The following GLIS1 variants were observed in gnomAD, a reference collection of about 807,000 sequenced individuals.
GLIS1 encodes zinc finger protein GLIS1.
A neutral mutation model predicts 63.8 loss-of-function variants in GLIS1; 24 were observed. The observed-to-expected ratio is 0.38, with a 90% CI of 0.27 to 0.53. The LOEUF is 0.53. Ranked by LOEUF, GLIS1 falls within the 20% of genes least tolerant of loss-of-function variation. The pLI, the probability that GLIS1 is intolerant of heterozygous loss-of-function variation, is 0.85. For missense variants in GLIS1, 1,036 were observed against 1,074.1 expected (o/e 0.96, Z 0.50); for synonymous variants, 450 against 482.5 (o/e 0.93, Z 0.88).
At chr1:53,578,570 G>A (rs1163875684) in intron 4 of GLIS1, among the ~76,000 whole-genome samples, 1 of 152,190 alleles carries the variant, frequency 6.6e-6, no homozygotes, top group Admixed American at 6.5e-5. Context: ...ACACAAGCTG[G>A]CTGGTCTGCT....
intron 2 of GLIS1, among the ~76,000 whole-genome samples, chr1:53,727,947 T>C (rs1017909858): frequency 6.6e-6 from 1 of 152,240 alleles, no homozygotes; most frequent in Non-Finnish European, 1.5e-5. Context: ...GAGCTTACCA[T>C]ATGTTCAACC....
At chr1:53,547,902 T>C (rs1051184234) in intron 4 of GLIS1, among the ~76,000 whole-genome samples, 4 of 152,232 alleles carry the variant, frequency 2.6e-5, no homozygotes, top group African/African-American at 9.6e-5. Flanking sequence ...GGTGGCTGTC[T>C]CTGTGAGGGG....
At chr1:53,701,693 T>C (rs1158430657) in intron 2 of GLIS1, among the ~76,000 whole-genome samples, 1 of 152,042 alleles carries the variant, frequency 6.6e-6, no homozygotes, top group Non-Finnish European at 1.5e-5. Context: ...TGCACTTTGT[T>C]TGAAAATGAA....
chr1:53,585,992 G>A (rs1207521105), intron 4 of GLIS1, among the ~76,000 whole-genome samples: 1 of 152,094 alleles, frequency 6.6e-6, no homozygotes, highest in African/African-American at 2.4e-5. Flanking sequence ...GAGCTGGGAT[G>A]AGTCTCCAAC....
rs550467214 is a variant in GLIS1 at position 53,597,334 on chromosome 1, T to C, written c.438-2344A>G. ...CTTGCAGTGAGCCGAGATGGCGCCATTGCACTCCAGCCTGGGCGACACAGC... is the reference window on the plus strand; with the variant it reads ...CTTGCAGTGAGCCGAGATGGCGCCACTGCACTCCAGCCTGGGCGACACAGC... On this transcript the variant is annotated intron_variant, in intron 3 of 10. Transcript: ENST00000628545. Among the ~76,000 whole-genome samples, 620 of 147,090 alleles carry C rather than the reference T, an allele frequency of 4.2e-3. 2 individuals carry two copies. Among genetic ancestry groups the C allele is most frequent in the Non-Finnish European group, 6.4e-3 (426 of 67,084 alleles).
At chr1:53,590,991 T>A (rs1645188375) in intron 4 of GLIS1, among the ~76,000 whole-genome samples, 1 of 152,038 alleles carries the variant, frequency 6.6e-6, no homozygotes. Context: ...TGGGATGGGA[T>A]GGGGGAGGCT....
At chr1:53,559,691 C>T (rs1030615342) in intron 4 of GLIS1, among the ~76,000 whole-genome samples, 6 of 152,194 alleles carry the variant, frequency 3.9e-5, no homozygotes, top group African/African-American at 1.4e-4. Flanking sequence ...CTCCCCCACA[C>T]GCCCTGCACC....
At chr1:53,713,181 T>C (rs1449046105) in intron 2 of GLIS1, among the ~76,000 whole-genome samples, 2 of 148,394 alleles carry the variant, frequency 1.3e-5, no homozygotes, top group Non-Finnish European at 3.0e-5. Flanking sequence ...CTGGGCAACA[T>C]GGTGAGACCT....
chr1:53,580,469 G>A (rs1042278566), intron 4 of GLIS1, among the ~76,000 whole-genome samples: 12 of 152,280 alleles, frequency 7.9e-5, no homozygotes, highest in Non-Finnish European at 1.8e-4. Context: ...AATCCATGAA[G>A]AGCCCAAATT....
intron 2 of GLIS1, among the ~76,000 whole-genome samples, chr1:53,693,338 C>T (rs937615900): frequency 6.6e-6 from 1 of 150,656 alleles, no homozygotes; most frequent in East Asian, 2.0e-4. Context: ...CCAATATGGC[C>T]AACTTAACCT....
chr1:53,536,166 G>T (rs1022687629), intron 4 of GLIS1, among the ~76,000 whole-genome samples: 1 of 152,014 alleles, frequency 6.6e-6, no homozygotes, highest in African/African-American at 2.4e-5. Context: ...CTTCTGTCGA[G>T]GGTGGATTTG....
intron 2 of GLIS1, among the ~76,000 whole-genome samples, chr1:53,701,552 T>C (rs1444054016): frequency 6.6e-6 from 1 of 152,120 alleles, no homozygotes; most frequent in Non-Finnish European, 1.5e-5. Context: ...AATTGAGGCA[T>C]AGGAAGAAAT....
At chr1:53,613,506 T>G (rs1378856887) in intron 2 of GLIS1, among the ~76,000 whole-genome samples, 1 of 152,194 alleles carries the variant, frequency 6.6e-6, no homozygotes, top group African/African-American at 2.4e-5. Context: ...TAAATTATTG[T>G]GAAGTTATTC....
intron 2 of GLIS1, among the ~76,000 whole-genome samples, chr1:53,706,559 C>A (rs1399199196): frequency 2.0e-5 from 3 of 152,220 alleles, no homozygotes; most frequent in African/African-American, 7.2e-5. Flanking sequence ...GGGGGTGACT[C>A]CACCTTCAAG....
intron 7 of GLIS1, 96 bp from the exon 8 acceptor site, chr1:53,514,877 AAAGAC>A: frequency 7.2e-7 from 1 of 1,387,332 alleles, no homozygotes; most frequent in Non-Finnish European, 9.7e-7. Flanking sequence ...ATGGAGAAAT[AAAGAC>A]AAGAGGGAAA....
intron 2 of GLIS1, among the ~76,000 whole-genome samples, chr1:53,621,961 C>G (rs1262789356): frequency 6.6e-6 from 1 of 152,104 alleles, no homozygotes; most frequent in Non-Finnish European, 1.5e-5. Context: ...CAGGCCCATG[C>G]CATCTGTATT....
chr1:53,515,347 T>A (rs1170220632), intron 7 of GLIS1, among the ~76,000 whole-genome samples: 1 of 151,752 alleles, frequency 6.6e-6, no homozygotes, highest in African/African-American at 2.4e-5. Context: ...CCCAGAGATA[T>A]GCAAGCAGAG....
rs1569979278 is a variant in GLIS1, at chr1:53,646,256, A to G, written c.260-45978T>C. ...CAGGGATGAAAGAAATAAAATATAT[A>G]AGAATTGAAAGGAATAAATAAAACT... On this transcript the variant is annotated intron_variant, in intron 2 of 10. Coordinates refer to ENST00000628545, the MANE Select transcript of GLIS1 (RefSeq NM_001367484.1). This position sits in a 1 kb window ranked among gnomAD's most constrained non-coding sequence, Gnocchi z 4.2. Among the ~76,000 whole-genome samples the G allele has an allele frequency of 6.6e-6, 1 of 152,226 alleles. No homozygotes were observed. The highest frequency in any genetic ancestry group is 1.9e-4 in the East Asian group (1 of 5,206).
chr1:53,507,110 C>G (rs1396575612), intron 10 of GLIS1, among the ~76,000 whole-genome samples: 1 of 152,108 alleles, frequency 6.6e-6, no homozygotes, highest in Non-Finnish European at 1.5e-5. Flanking sequence ...AGCAGCTCAG[C>G]CCTTGCCCTC....
Sources: gnomAD v4.1 joint callset for allele counts (sites outside exome capture counted in the v4.1 genomes callset) on GRCh38, gnomAD v4.1.1 for gene constraint, Gnocchi (gnomAD v3.1) non-coding constraint, MANE v1.5 for transcripts, NCBI Gene and HGNC (gene_info 2026-07-23, HGNC 2026-07-21) for gene names.